SETDB2: variants seen among roughly 807,000 people sequenced by gnomAD.
The protein encoded by SETDB2 is SET domain bifurcated histone lysine methyltransferase 2.
A neutral mutation model predicts 82.5 loss-of-function variants in SETDB2; 56 were observed. The observed-to-expected ratio is 0.68, with a 90% CI of 0.55 to 0.85. The LOEUF (loss-of-function observed/expected upper bound fraction) is 0.85. Ranked by LOEUF, SETDB2 falls within the 40% of genes least tolerant of loss-of-function variation. The pLI, the probability that SETDB2 is intolerant of heterozygous loss-of-function variation, is 0.00. For missense variants in SETDB2, 677 were observed against 816.4 expected (o/e 0.83, Z 2.08); for synonymous variants, 272 against 284.9 (o/e 0.95, Z 0.46).
intron 5 of SETDB2, among the ~76,000 whole-genome samples, chr13:49,475,637 C>T (rs1958340613): frequency 6.6e-6 from 1 of 151,936 alleles, no homozygotes; most frequent in South Asian, 2.1e-4. Flanking sequence ...CAGGCATGCA[C>T]CACCATACCT....
At chr13:49,451,087 T>C (rs549483279) in intron 1 of SETDB2, among the ~76,000 whole-genome samples, 12 of 151,742 alleles carry the variant, frequency 7.9e-5, no homozygotes, top group Middle Eastern at 3.4e-3. Flanking sequence ...GAAATGTTTT[T>C]AATGAAAGAT....
chr13:49,463,660 A>T (rs563449047), intron 4 of SETDB2, among the ~76,000 whole-genome samples: 1 of 152,302 alleles, frequency 6.6e-6, no homozygotes, highest in South Asian at 2.1e-4. Context: ...TTATTCCATG[A>T]CCTTCACTGT....
intron 6 of SETDB2, 101 bp from the exon 7 acceptor site, chr13:49,480,118 T>C: frequency 1.3e-6 from 1 of 751,228 alleles, no homozygotes; most frequent in East Asian, 2.6e-5. Context: ...TTCTAAATGC[T>C]ATTACATCTT....
rs189612264 is a variant in SETDB2 at position 49,463,209 on chromosome 13, C to T, written c.208+2047C>T. ...GTATTTTAGTAGAGAGAGGGTTTCACCATGTTGCCCAGACTGGTCACGAAC... is the reference window on the plus strand; with the variant it reads ...GTATTTTAGTAGAGAGAGGGTTTCATCATGTTGCCCAGACTGGTCACGAAC... On this transcript the variant is annotated intron_variant, in intron 4 of 13. Transcript: ENST00000611815. Among the ~76,000 whole-genome samples the T allele has an allele frequency of 6.1e-3, 927 of 152,152 alleles. 2 individuals are homozygous for T. Among genetic ancestry groups the T allele is most frequent in the Admixed American group, 0.011 (175 of 15,286 alleles).
intron 4 of SETDB2, among the ~76,000 whole-genome samples, chr13:49,465,562 G>T (rs532793399): frequency 1.3e-5 from 2 of 150,102 alleles, no homozygotes; most frequent in Non-Finnish European, 3.0e-5. Context: ...TTGAGACGAA[G>T]TCTCACTCTT....
rs10695231 is a variant in SETDB2 at position 49,470,966 on chromosome 13, C to CTTTCTTTTTTTTTTTTTT, written c.305+3009_305+3010insCTTTTTTTTTTTTTTTTT. Among the ~76,000 whole-genome samples the CTTTCTTTTTTTTTTTTTT allele has an allele frequency of 2.6e-4, 21 of 80,490 alleles. 1 individual carries two copies. Among genetic ancestry groups the CTTTCTTTTTTTTTTTTTT allele is most frequent in the African/African-American group, 8.3e-4 (14 of 16,942 alleles). The allele number at this position is 80,490 out of a possible 152,430, so 52.8% of individuals were successfully genotyped here. A position where few individuals can be genotyped will look rare whatever the true frequency, so the allele number is the denominator to read the frequency against. On this transcript the variant is annotated intron_variant, in intron 5 of 13. Coordinates refer to ENST00000611815, the MANE Select transcript of SETDB2 (RefSeq NM_001160308.3). ...GTTTTTTTGTTTTCTTTCTTTCTTTCTTTTTTTTTTTTTTTTTTGAGACAG... is the reference window on the plus strand; with the variant it reads ...GTTTTTTTGTTTTCTTTCTTTCTTTCTTTCTTTTTTTTTTTTTTTTTTTTTTTTTTTTTTTTGAGACAG...
At chr13:49,478,899 C>T (rs910260502) in intron 6 of SETDB2, among the ~76,000 whole-genome samples, 2 of 152,048 alleles carry the variant, frequency 1.3e-5, no homozygotes, top group Non-Finnish European at 2.9e-5. Flanking sequence ...TGCACTCCAG[C>T]CTGGGCAACA....
rs17072970 is a variant in SETDB2, at chr13:49,473,937, C to A, written c.306-2539C>A. Among the ~76,000 whole-genome samples the A allele has an allele frequency of 7.6e-3, 1,151 of 152,258 alleles. 11 individuals carry two copies. Among genetic ancestry groups the A allele is most frequent in the African/African-American group, 0.016 (651 of 41,550 alleles). On this transcript the variant is annotated intron_variant, in intron 5 of 13. Transcript: ENST00000611815. Reference sequence around the variant, plus strand: ...GGGAACAAGTAGGTTCCAGGTACCACCTTTGAAAAACAGGAAGATACTGGA... The same window carrying A: ...GGGAACAAGTAGGTTCCAGGTACCAACTTTGAAAAACAGGAAGATACTGGA...
chr13:49,454,480 A>G (rs1957842937), intron 2 of SETDB2, among the ~76,000 whole-genome samples: 1 of 152,182 alleles, frequency 6.6e-6, no homozygotes, highest in African/African-American at 2.4e-5. Flanking sequence ...ACTAGAGTAC[A>G]GTAAGTAAGT....
chr13:49,471,666 A>C (rs1958244400), intron 5 of SETDB2, among the ~76,000 whole-genome samples: 2 of 151,860 alleles, frequency 1.3e-5, no homozygotes, highest in Admixed American at 6.6e-5. Flanking sequence ...AAACATGCAC[A>C]CACATGTACC....
intron 5 of SETDB2, among the ~76,000 whole-genome samples, chr13:49,470,168 C>T (rs1958198505): frequency 6.6e-6 from 1 of 152,168 alleles, no homozygotes; most frequent in African/African-American, 2.4e-5. Flanking sequence ...TTTCCCATCT[C>T]TTTAGGACTG....
chr13:49,460,240 G>T lies in SETDB2; in HGVS notation c.142+8G>T. On this transcript the variant is annotated splice_region_variant and intron_variant, in intron 3 of 13. Transcript: ENST00000611815. ...GGTCTGCCACCAATAAAGGTATGAA[G>T]CAATAAAAACTTTGAATATGTTTAA... 1 of 1,609,830 alleles carries T rather than the reference G, an allele frequency of 6.2e-7. No individual in the cohort carries two copies. Among genetic ancestry groups the T allele is most frequent in the Non-Finnish European group, 8.5e-7 (1 of 1,178,818 alleles).
rs756461994 is a variant in SETDB2 at position 49,493,679 on chromosome 13, T to C, written c.*1830T>C. 1 of 152,226 alleles carries C rather than the reference T, an allele frequency of 6.6e-6. No individual in the cohort carries two copies. Among genetic ancestry groups the C allele is most frequent in the Non-Finnish European group, 1.5e-5 (1 of 68,036 alleles). 9.4% of individuals were successfully genotyped at this position (152,226 alleles called of 1,614,324 possible). On this transcript the variant is annotated 3_prime_UTR_variant, in exon 14 of 14. Transcript: ENST00000611815. ...TGACAATGTCTTTATTTTACCCTTA[T>C]ACCTGATTGCTGTTTTGGTTGGCAA...
chr13:49,468,821 G>A (rs1767288298), intron 5 of SETDB2, among the ~76,000 whole-genome samples: 1 of 151,896 alleles, frequency 6.6e-6, no homozygotes, highest in African/African-American at 2.4e-5. Context: ...CACAGAGAAA[G>A]CTAAGTTCAC....
chr13:49,488,669 G>GT (rs1174103017), intron 12 of SETDB2, 39 bp downstream of exon 12: 8 of 1,484,670 alleles, frequency 5.4e-6, no homozygotes, highest in East Asian at 4.6e-5. Context: ...CTGAACAACT[G>GT]TTTTTTTCTA....
intron 2 of SETDB2, among the ~76,000 whole-genome samples, chr13:49,452,295 T>C (rs1271433306): frequency 3.3e-5 from 5 of 152,002 alleles, no homozygotes; most frequent in African/African-American, 1.2e-4. Flanking sequence ...GTATTTTTAG[T>C]AGAGATGGGG....
intron 1 of SETDB2, among the ~76,000 whole-genome samples, chr13:49,449,613 T>G (rs1400613660): frequency 6.6e-6 from 1 of 152,192 alleles, no homozygotes; most frequent in Non-Finnish European, 1.5e-5. Flanking sequence ...GTTCTTAAAT[T>G]TATGTTTTCT....
At chr13:49,465,039 C>T (rs1418240131) in intron 4 of SETDB2, among the ~76,000 whole-genome samples, 1 of 151,296 alleles carries the variant, frequency 6.6e-6, no homozygotes, top group Non-Finnish European at 1.5e-5. Flanking sequence ...GTACTCCAAC[C>T]TTCCAGCCTA....
intron 6 of SETDB2, 52 bp downstream of exon 6, chr13:49,477,091 T>G: frequency 6.9e-7 from 1 of 1,447,826 alleles, no homozygotes; most frequent in Non-Finnish European, 9.2e-7. Flanking sequence ...GTAAGGACGC[T>G]TGTTAAGAAG....
Sources: gnomAD v4.1 joint callset for allele counts (sites outside exome capture counted in the v4.1 genomes callset) on GRCh38, gnomAD v4.1.1 for gene constraint, MANE v1.5 for transcripts, NCBI Gene and HGNC (gene_info 2026-07-23, HGNC 2026-07-21) for gene names.